The following TIMM23 variants were observed in gnomAD, a reference collection of about 807,000 sequenced individuals.
TIMM23 encodes the protein translocase of inner mitochondrial membrane 23.
A neutral mutation model predicts 30.7 loss-of-function variants in TIMM23; 19 were observed. That is an observed-to-expected ratio of 0.62 (90% CI 0.43 to 0.91). TIMM23 has a LOEUF of 0.91. TIMM23 is among the 40% of genes least tolerant of loss of function. The probability of loss-of-function intolerance (pLI) is 0.00; values close to 1 mark genes in which losing one functional copy is unlikely to be tolerated. For missense variants in TIMM23, 202 were observed against 269.2 expected, an observed-to-expected ratio of 0.75 and a Z score of 1.75; for synonymous variants, 78 against 98.5, an observed-to-expected ratio of 0.79 and a Z score of 1.23.
At chr10:45,985,993 G>A (rs1445458619) in intron 5 of TIMM23, among the ~76,000 whole-genome samples, 1 of 152,132 alleles carries the variant, frequency 6.6e-6, no homozygotes, top group African/African-American at 2.4e-5. Flanking sequence ...ATACCATATT[G>A]TTTATGAATG....
chr10:45,992,789 C>T (rs1838205175), intron 6 of TIMM23: 1 of 338,706 alleles, frequency 3.0e-6, no homozygotes, highest in Non-Finnish European at 5.8e-6. Flanking sequence ...ATCCCCTGAC[C>T]TCATGATCCG....
intron 5 of TIMM23, 35 bp from the exon 6 acceptor site, chr10:45,988,702 T>G: frequency 1.3e-6 from 2 of 1,597,080 alleles, no homozygotes; most frequent in Non-Finnish European, 1.7e-6. Context: ...ACTTTATCAC[T>G]GTTTTGTCAC....
intron 6 of TIMM23, among the ~76,000 whole-genome samples, chr10:45,995,340 C>T (rs1321615113): frequency 0.9 from 136,157 of 151,136 alleles, 61,569 homozygotes; most frequent in African/African-American, 0.97. Flanking sequence ...AATTAGATGC[C>T]ATACTATAGT....
intron 6 of TIMM23, among the ~76,000 whole-genome samples, chr10:45,999,050 C>G (rs1178615954): frequency 2.0e-5 from 3 of 152,152 alleles, no homozygotes; most frequent in Admixed American, 1.3e-4. Flanking sequence ...CCAGGCTGGT[C>G]TTGAACTCCT....
At chr10:45,994,013 T>A (rs1838252066) in intron 6 of TIMM23, among the ~76,000 whole-genome samples, 2 of 151,964 alleles carry the variant, frequency 1.3e-5, no homozygotes, top group Non-Finnish European at 2.9e-5. Flanking sequence ...AATGAAATGA[T>A]GAAGTAATGA....
intron 2 of TIMM23, among the ~76,000 whole-genome samples, chr10:45,979,098 A>G (rs1280743771): frequency 3.3e-5 from 5 of 152,208 alleles, no homozygotes; most frequent in African/African-American, 4.8e-5. Flanking sequence ...TGGACAAGAA[A>G]GTAGATTAGT....
intron 5 of TIMM23, among the ~76,000 whole-genome samples, chr10:45,986,862 G>A (rs1838008010): frequency 6.6e-6 from 1 of 151,942 alleles, no homozygotes; most frequent in Non-Finnish European, 1.5e-5. Flanking sequence ...GCAATTATGG[G>A]TAGCATATAA....
intron 6 of TIMM23, chr10:45,998,239 C>T (rs1838407968): frequency 1.4e-5 from 4 of 288,292 alleles, no homozygotes; most frequent in African/African-American, 9.1e-5. Context: ...GCTTTAAAGT[C>T]ATTGTCATTT....
intron 6 of TIMM23, chr10:45,992,510 A>G (rs1838194050): frequency 6.6e-6 from 3 of 453,354 alleles, no homozygotes; most frequent in South Asian, 3.1e-5. Flanking sequence ...TTGGAGGCTT[A>G]TGAGTAAATG....
At chr10:45,978,656 T>C (rs1340183820) in intron 2 of TIMM23, among the ~76,000 whole-genome samples, 3 of 152,176 alleles carry the variant, frequency 2.0e-5, no homozygotes, top group Non-Finnish European at 4.4e-5. Context: ...GTTGAGGATG[T>C]AGAGAAATTG....
rs577610200 is a variant in TIMM23, at chr10:46,002,948, A to G, written c.515-255A>G. On this transcript the variant is annotated intron_variant, in intron 6 of 6. Transcript: ENST00000580018. ...AAGTGATTATCCTGCCTCAGCCTCC[A>G]AGTAGCTGGGACTATAAGCACACAT... is the stretch of plus-strand genomic sequence containing the variant. Among the ~76,000 whole-genome samples, 3 of 151,028 alleles carry G rather than the reference A, an allele frequency of 2.0e-5. No homozygotes were observed. In the South Asian group the frequency reaches 6.3e-4, roughly 32 times the overall value.
chr10:45,985,336 G>A, intron 4 of TIMM23, 47 bp from the exon 5 acceptor site: 2 of 1,611,748 alleles, frequency 1.2e-6, no homozygotes, highest in Non-Finnish European at 1.7e-6. Context: ...GGTTACTAGA[G>A]AAATAATGAT....
chr10:45,976,992 A>G (rs1394406459), intron 2 of TIMM23, among the ~76,000 whole-genome samples: 1 of 152,126 alleles, frequency 6.6e-6, no homozygotes, highest in Non-Finnish European at 1.5e-5. Flanking sequence ...ACACTACAAA[A>G]ATGAAATTAC....
chr10:45,992,742 G>C, intron 6 of TIMM23: 1 of 357,028 alleles, frequency 2.8e-6, no homozygotes, highest in Non-Finnish European at 5.5e-6. Flanking sequence ...ATTTTTAGTA[G>C]AGTCAGGGTT....
At chr10:45,987,575 G>A (rs1393910549) in intron 5 of TIMM23, among the ~76,000 whole-genome samples, 6 of 151,184 alleles carry the variant, frequency 4.0e-5, no homozygotes, top group South Asian at 2.1e-4. Flanking sequence ...CACAGAACTC[G>A]AGGGAACACA....
intron 1 of TIMM23, 87 bp downstream of exon 1, chr10:45,972,817 T>G (rs1380411251): frequency 3.6e-5 from 56 of 1,555,826 alleles, no homozygotes; most frequent in East Asian, 4.8e-5. Context: ...TGTTGTTGTT[T>G]TTTTTTTCCT....
rs1408465315 is a variant in TIMM23 at position 45,988,746 on chromosome 10, A to G, written c.413A>G (p.Tyr138Cys). The G allele has an allele frequency of 1.9e-5, 31 of 1,613,734 alleles. No homozygotes were observed. The highest frequency in any genetic ancestry group is 4.5e-5 in the East Asian group (2 of 44,876). ...TCCATTTCCTCTTTAGCTTTGCTCT[A>G]TAGTGCATTTGGTGTCATCATTGAG... ...ANTLGSLALL[Y>C]SAFGVIIEKT... Residue 138 changes from tyrosine (Y) to cysteine (C), a missense_variant, in exon 6 of 7, where the codon TAT becomes TGT. By Grantham distance (194) the Tyr-to-Cys change is radical (BLOSUM62 -2). Coordinates refer to ENST00000580018, the MANE Select transcript of TIMM23 (RefSeq NM_006327.4).
rs1186513539 is a variant in TIMM23, at chr10:45,981,349, T to A, written c.166-1174T>A. ...AGAATAATTATTTACCTTACCACAT[T>A]GAATCTAGCATTTCTAAAAACTCAA... On this transcript the variant is annotated intron_variant, in intron 2 of 6. Transcript: ENST00000580018. Among the ~76,000 whole-genome samples, 266 of 143,012 alleles carry A rather than the reference T, an allele frequency of 1.9e-3. 1 individual carries two copies. Among genetic ancestry groups the A allele is most frequent in the African/African-American group, 6.9e-3 (261 of 37,828 alleles). 93.8% of individuals were successfully genotyped at this position (143,012 alleles called of 152,430 possible).
Position 45,972,623 on chromosome 10 carries a change from C to G in TIMM23, c.-2C>G. The G allele has an allele frequency of 1.2e-6, 2 of 1,613,500 alleles. No homozygotes were observed. Among genetic ancestry groups the G allele is most frequent in the South Asian group, 1.1e-5 (1 of 91,040 alleles). ...GGGAACCACTCGGTTTGCTGCGATA[C>G]CATGGAAGGAGGCGGGGGAAGCGGC... is the stretch of plus-strand genomic sequence containing the variant. On this transcript the variant is annotated 5_prime_UTR_variant, in exon 1 of 7. Transcript: ENST00000580018.
Sources: allele counts gnomAD v4.1 joint callset (sites outside exome capture counted in the v4.1 genomes callset), GRCh38; gene constraint gnomAD v4.1.1; transcripts MANE v1.5; gene names NCBI Gene and HGNC (gene_info 2026-07-23, HGNC 2026-07-21).